PLXNA3: variants seen among roughly 807,000 people sequenced by gnomAD.
PLXNA3 encodes the protein plexin-A3.
PLXNA3 carries 52 observed loss-of-function variants against 118.8 expected under a neutral mutation model. That is an observed-to-expected ratio of 0.44 (90% confidence interval 0.35 to 0.55). The LOEUF (loss-of-function observed/expected upper bound fraction) is 0.55, where lower values mean the gene tolerates loss of function less well. PLXNA3 is among the 20% of genes least tolerant of loss of function. The probability of loss-of-function intolerance (pLI) is 0.01; values close to 1 mark genes in which losing one functional copy is unlikely to be tolerated. For missense variants in PLXNA3, 1,660 were observed against 1,730.8 expected (o/e 0.96, Z 0.73); for synonymous variants, 925 against 762.4 (o/e 1.21, Z -3.51).
At position 154,474,489 on chromosome X, in the gene PLXNA3, T is replaced by C. The variant is rs1557210509; in HGVS notation, c.*1804T>C. The C allele has an allele frequency of 9.4e-6, 1 of 105,895 alleles. No homozygotes were observed. Among genetic ancestry groups the C allele is most frequent in the African/African-American group, 3.5e-5 (1 of 28,918 alleles). 8.7% of individuals were successfully genotyped at this position (105,895 alleles called of 1,213,427 possible). ...TATTTTTACTTTTTATGTTTTTTTT[T>C]TTTTCTTTGACGGAGTGTCGCTCTG... On this transcript the variant is annotated 3_prime_UTR_variant, in exon 33 of 33. Transcript: ENST00000369682.
rs1370134325 is a variant in PLXNA3, at chrX:154,476,462, A to G, written c.*3777A>G. 2 of 110,085 alleles carry G rather than the reference A, an allele frequency of 1.8e-5. No individual in the cohort carries two copies. The highest frequency in any genetic ancestry group is 6.6e-5 in the African/African-American group (2 of 30,304). The allele number at this position is 110,085 out of a possible 1,213,427, so 9.1% of individuals were successfully genotyped here. ...ACAAGAGTGAAACACTGTCTCAAAA[A>G]AAAAAAAAAAAAGTGAAAGATCTAA... is the stretch of plus-strand genomic sequence containing the variant. On this transcript the variant is annotated 3_prime_UTR_variant, in exon 33 of 33. Transcript: ENST00000369682.
intron 5 of PLXNA3, 21 bp downstream of exon 5, chrX:154,463,540 G>A (rs368781312): frequency 5.4e-5 from 64 of 1,175,843 alleles, no homozygotes; most frequent in Admixed American, 9.5e-5. Context: ...GGTGGGTGGC[G>A]GTGGGTGGTG....
chrX:154,468,111 G>C lies in PLXNA3; in HGVS notation c.3850G>C (p.Glu1284Gln). ...TGCAGAGCTGCAGACGGACATCAAT[G>C]AGCTGACTAACCACATGGACGAGGT... ...AFAELQTDIN[E>Q]LTNHMDEVQI... The change falls in exon 22 of 33, where the codon GAG becomes CAG. Residue 1284 changes from glutamate (E) to glutamine (Q), a missense_variant. Coordinates refer to ENST00000369682, the MANE Select transcript of PLXNA3 (RefSeq NM_017514.5). The C allele has an allele frequency of 8.4e-7, 1 of 1,193,049 alleles. No individual in the cohort carries two copies. Among genetic ancestry groups the C allele is most frequent in the African/African-American group, 1.7e-5 (1 of 57,559 alleles).
rs199737578 is a variant in PLXNA3 at position 154,467,732 on chromosome X, G to A, written c.3586-35G>A. 1.3e-5 allele frequency: 15 copies of A among 1,198,882 alleles called. No individual in the cohort carries two copies. The African/African-American group carries it at 1.6e-4, about 13-fold the overall frequency. On this transcript the variant is annotated intron_variant, in intron 20 of 32. Transcript: ENST00000369682. ...ACCCCCTGGGCAGCCCAGGGTGGGCGTGGTGGTCAGCTCACCTCAGGCCTG... is the reference window on the plus strand; with the variant it reads ...ACCCCCTGGGCAGCCCAGGGTGGGCATGGTGGTCAGCTCACCTCAGGCCTG...
chrX:154,460,909 T>A, intron 2 of PLXNA3, 132 bp downstream of exon 2: 1 of 622,930 alleles, frequency 1.6e-6, no homozygotes, highest in Non-Finnish European at 2.4e-6. Context: ...GAGGGTGGGA[T>A]GACAGCCTGA....
In PLXNA3 at chrX:154,461,559, G is replaced by A. The variant is rs782018972; in HGVS notation, c.1055G>A (p.Arg352His). The A allele has an allele frequency of 7.5e-6, 9 of 1,207,670 alleles. No homozygotes were observed. The highest frequency in any genetic ancestry group is 1.8e-5 in the South Asian group (1 of 56,885). ...AACATCAATGCCCACATCCGGCGCC[G>A]CATCCAGTCCTGCTATCGTGGGGAG... is the stretch of plus-strand genomic sequence containing the variant. Reference protein sequence around the residue: ...LSNINAHIRRRIQSCYRGEGT... With the variant: ...LSNINAHIRRHIQSCYRGEGT... The change falls in exon 3 of 33, where the codon CGC (arginine) becomes CAC (histidine). Residue 352 changes from arginine (R) to histidine (H), a missense_variant. Physicochemically the swap from Arg to His is conservative, Grantham distance 29. Around this residue, in one of 2 missense-constraint regions of PLXNA3, gnomAD observed 791 missense variants for 652.1 expected, o/e 1.21. Coordinates refer to ENST00000369682, the MANE Select transcript of PLXNA3 (RefSeq NM_017514.5).
chrX:154,459,759 C>T (rs2068904789), intron 1 of PLXNA3, among the ~76,000 whole-genome samples: 1 of 112,835 alleles, frequency 8.9e-6, no homozygotes, highest in Admixed American at 9.2e-5. Context: ...CCCTGCCCCT[C>T]TCCCCCAGCT....
rs144336050 is a variant in PLXNA3 at position 154,460,497 on chromosome X, C to T, written c.314C>T (p.Ala105Val). The stretch of plus-strand genomic sequence containing the variant: ...AACAAGCTGCTGCTCATAGACTATG[C>T]GGCCCGCCGCCTGGTGGCCTGCGGC... ...NINKLLLIDYAARRLVACGSI... is the reference protein window; with the variant it reads ...NINKLLLIDYVARRLVACGSI... The change falls in exon 2 of 33, where the codon GCG (alanine) becomes GTG (valine). Residue 105 changes from alanine (A) to valine (V), a missense_variant. By Grantham distance (64) the Ala-to-Val change is moderately conservative. Coordinates refer to ENST00000369682, the MANE Select transcript of PLXNA3 (RefSeq NM_017514.5). The T allele has an allele frequency of 1.6e-4, 199 of 1,207,924 alleles. No homozygotes were observed. The highest frequency in any genetic ancestry group is 2.6e-4 in the South Asian group (15 of 56,709).
rs781811365 is a variant in PLXNA3 at position 154,460,698 on chromosome X, A to G, written c.515A>G (p.Asp172Gly). 9 of 1,146,405 alleles carry G rather than the reference A, an allele frequency of 7.9e-6. No homozygotes were observed. Among genetic ancestry groups the G allele is most frequent in the Non-Finnish European group, 1.0e-5 (9 of 867,262 alleles). 94.5% of individuals were successfully genotyped at this position (1,146,405 alleles called of 1,213,427 possible). ...AAGCTGTTTGTGGGCACTGCTGTCGACGGCAAGTCGGAGTACTTCCCCACC... is the reference window on the plus strand; with the variant it reads ...AAGCTGTTTGTGGGCACTGCTGTCGGCGGCAAGTCGGAGTACTTCCCCACC... ...PSKLFVGTAV[D>G]GKSEYFPTLS... Residue 172 changes from aspartate to glycine, a missense_variant, in exon 2 of 33, where the codon GAC becomes GGC. Physicochemically the swap from Asp to Gly is moderately conservative, Grantham distance 94. Around this residue, in one of 2 missense-constraint regions of PLXNA3, gnomAD observed 791 missense variants for 652.1 expected, o/e 1.21. Coordinates refer to ENST00000369682, the MANE Select transcript of PLXNA3 (RefSeq NM_017514.5).
rs1557206025 is a variant in PLXNA3, at chrX:154,464,198, C to T, written c.1713C>T (p.Gly571=). 14 of 1,208,195 alleles carry T rather than the reference C, an allele frequency of 1.2e-5. No homozygotes were observed. Among genetic ancestry groups the T allele is most frequent in the African/African-American group, 3.5e-5 (2 of 57,694 alleles). Residue 571 remains glycine (G), a synonymous_variant, in exon 8 of 33, where the codon GGC becomes GGT. Coordinates refer to ENST00000369682, the MANE Select transcript of PLXNA3 (RefSeq NM_017514.5). The part of the protein sequence containing the change: ...TLHNVPDLSA[G]VSCAFEAAAE... ...ACAACGTGCCAGACCTCAGTGCGGG[C>T]GTGAGCTGCGCCTTCGAGGCGGCGG...
chrX:154,467,093 G>A lies in PLXNA3; in HGVS notation c.3144G>A (p.Leu1048=), dbSNP rs2069098905. The part of the protein sequence containing the change: ...STAITVSGTH[L]LTVQEPRVRA... ...CCATCACTGTGAGTGGGACCCACCT[G>A]CTGACGGTCCAGGAGCCCCGGGTCC... is the stretch of plus-strand genomic sequence containing the variant. Residue 1048 remains leucine, a synonymous_variant, in exon 18 of 33, where the codon CTG becomes CTA. Coordinates refer to ENST00000369682, the MANE Select transcript of PLXNA3 (RefSeq NM_017514.5). 2 of 1,210,566 alleles carry A rather than the reference G, an allele frequency of 1.7e-6. No homozygotes were observed. Among genetic ancestry groups the A allele is most frequent in the Non-Finnish European group, 2.2e-6 (2 of 895,055 alleles).
chrX:154,460,856 G>T (rs2068940068), intron 2 of PLXNA3, 79 bp downstream of exon 2: 3 of 781,992 alleles, frequency 3.8e-6, no homozygotes, highest in Non-Finnish European at 5.4e-6. Flanking sequence ...TTTCTGAGAG[G>T]GGACTTTCGG....
At chrX:154,465,559 T>C (rs782003254) in intron 12 of PLXNA3, 39 bp downstream of exon 12, 3 of 1,155,318 alleles carry the variant, frequency 2.6e-6, no homozygotes, top group East Asian at 3.0e-5. Context: ...CCTAAGGCAA[T>C]TGGCACTGCT....
chrX:154,470,391 G>A lies in PLXNA3; in HGVS notation c.4987-51G>A, dbSNP rs1557209051. ...CTGCCTCCATCTGTCCTGCTCTGGGGACATCCCAACCTGGCTCCCTCATAG... is the reference window on the plus strand; with the variant it reads ...CTGCCTCCATCTGTCCTGCTCTGGGAACATCCCAACCTGGCTCCCTCATAG... On this transcript the variant is annotated intron_variant, in intron 29 of 32. Transcript: ENST00000369682. 12 of 1,148,272 alleles carry A rather than the reference G, an allele frequency of 1.0e-5. No individual in the cohort carries two copies. In the Admixed American group the frequency reaches 2.5e-4, roughly 24 times the overall value. 94.6% of individuals were successfully genotyped at this position (1,148,272 alleles called of 1,213,427 possible).
In PLXNA3 at chrX:154,472,577, T is replaced by C. The variant is rs909528830; in HGVS notation, c.5521-13T>C. On this transcript the variant is annotated splice_polypyrimidine_tract_variant and intron_variant, in intron 32 of 32. Coordinates refer to ENST00000369682, the MANE Select transcript of PLXNA3 (RefSeq NM_017514.5). ...CCTACAGAGCCCAGCTCCAGGGGACTCCTCTCCCCCAGATTCTCACGGCTC... is the reference window on the plus strand; with the variant it reads ...CCTACAGAGCCCAGCTCCAGGGGACCCCTCTCCCCCAGATTCTCACGGCTC... 3 of 1,160,946 alleles carry C rather than the reference T, an allele frequency of 2.6e-6. No individual in the cohort carries two copies. The African/African-American group carries it at 5.3e-5, about 20-fold the overall frequency.
Position 154,466,275 on chromosome X carries a change from G to A in PLXNA3, c.2799+5G>A, listed in dbSNP as rs1557207066. ...GAGCAGGTCTACAGCTTTGTGGTGC[G>A]TGGCTGCCGGCCCTACCCCTTCCTG... On this transcript the variant is annotated splice_donor_5th_base_variant and intron_variant, in intron 15 of 32. Coordinates refer to ENST00000369682, the MANE Select transcript of PLXNA3 (RefSeq NM_017514.5). 4 of 1,209,328 alleles carry A rather than the reference G, an allele frequency of 3.3e-6. No individual in the cohort carries two copies. The highest frequency in any genetic ancestry group is 4.5e-6 in the Non-Finnish European group (4 of 895,400).
Position 154,467,571 on chromosome X carries a change from C to T in PLXNA3, c.3468C>T (p.Ala1156=), listed in dbSNP as rs781821504. The change falls in exon 20 of 33, where the codon GCC becomes GCT. Residue 1156 remains alanine (A), a synonymous_variant. Transcript: ENST00000369682. The part of the protein sequence containing the change: ...LKGKNLIPAA[A]GSSRLNYTVL... The stretch of plus-strand genomic sequence containing the variant: ...GCAAGAACCTGATTCCCGCTGCAGC[C>T]GGCAGCTCCCGCCTCAACTACACTG... 3.9e-5 allele frequency: 47 copies of T among 1,191,389 alleles called. No homozygotes were observed. The highest frequency in any genetic ancestry group is 3.3e-4 in the South Asian group (18 of 54,625).
chrX:154,473,749 G>C lies in PLXNA3; in HGVS notation c.*1064G>C, dbSNP rs1426423437. 8.9e-6 allele frequency: 1 copy of C among 111,857 alleles called. No individual in the cohort carries two copies. The highest frequency in any genetic ancestry group is 1.9e-5 in the Non-Finnish European group (1 of 53,060). 9.2% of individuals were successfully genotyped at this position (111,857 alleles called of 1,213,427 possible). A position where few individuals can be genotyped will look rare whatever the true frequency, so the allele number is the denominator to read the frequency against. ...ACCACTCCTTGCAGGGTCCCAGAGGGTTTGGGGAGGTTCAGGGCCATACCC... is the reference window on the plus strand; with the variant it reads ...ACCACTCCTTGCAGGGTCCCAGAGGCTTTGGGGAGGTTCAGGGCCATACCC... On this transcript the variant is annotated 3_prime_UTR_variant, in exon 33 of 33. Coordinates refer to ENST00000369682, the MANE Select transcript of PLXNA3 (RefSeq NM_017514.5).
chrX:154,466,584 C>G (rs782011658), intron 16 of PLXNA3, 39 bp from the exon 17 acceptor site: 1 of 1,190,236 alleles, frequency 8.4e-7, no homozygotes, highest in East Asian at 3.0e-5. Flanking sequence ...GCTGAGGGCC[C>G]TGGGCCACCC....
Sources: allele counts gnomAD v4.1 joint callset (sites outside exome capture counted in the v4.1 genomes callset), GRCh38; gene constraint gnomAD v4.1.1; regional missense constraint gnomAD v4.1.1; transcripts MANE v1.5; gene names NCBI Gene and HGNC (gene_info 2026-07-23, HGNC 2026-07-21).